Variants in ZNF33A observed in about 807,000 individuals in gnomAD.
ZNF33A encodes the protein brain my041 protein.
A neutral mutation model predicts 15.9 loss-of-function variants in ZNF33A; 9 were observed. The observed-to-expected ratio is 0.57, with a 90% CI of 0.34 to 0.99. ZNF33A has a LOEUF of 0.99. ZNF33A is among the 50% of genes least tolerant of loss of function. ZNF33A has a pLI of 0.02. For synonymous variants in ZNF33A, 294 were observed against 324.2 expected (o/e 0.91, Z 1.00); for missense variants, 843 against 941.6 (o/e 0.90, Z 1.37).
intron 4 of ZNF33A, among the ~76,000 whole-genome samples, chr10:38,044,876 C>A (rs2065884565): frequency 6.6e-6 from 1 of 151,976 alleles, no homozygotes; most frequent in Non-Finnish European, 1.5e-5. Flanking sequence ...CCATGTTGAC[C>A]AGGTTGATCT....
intron 4 of ZNF33A, among the ~76,000 whole-genome samples, chr10:38,039,847 T>C (rs2065617013): frequency 6.6e-6 from 1 of 151,846 alleles, no homozygotes; most frequent in Admixed American, 6.6e-5. Flanking sequence ...TCAGCTATTG[T>C]TTTTCTGTTC....
At chr10:38,066,130 A>T (rs2066707775), downstream of ZNF33A, among the ~76,000 whole-genome samples, 2 of 152,244 alleles carry the variant, frequency 1.3e-5, no homozygotes, top group South Asian at 4.1e-4. Flanking sequence ...GGATTATAGC[A>T]TTTGATATAA....
intron 2 of ZNF33A, among the ~76,000 whole-genome samples, chr10:38,014,892 C>CT (rs902443419): frequency 3.3e-4 from 50 of 151,244 alleles, no homozygotes; most frequent in African/African-American, 1.0e-3. Flanking sequence ...AATTACTTAC[C>CT]TTTTTTTTTG....
At chr10:38,016,065 C>CA in intron 2 of ZNF33A, 1 of 1,200,834 alleles carries the variant, frequency 8.3e-7, no homozygotes, top group Non-Finnish European at 1.0e-6. Flanking sequence ...ATAATGGTTC[C>CA]AAAATCTTTC....
At chr10:38,043,539 C>A (rs1023945122) in intron 4 of ZNF33A, among the ~76,000 whole-genome samples, 1 of 151,770 alleles carries the variant, frequency 6.6e-6, no homozygotes, top group African/African-American at 2.4e-5. Flanking sequence ...GACCCCAGGT[C>A]AAATTCTGTA....
intron 2 of ZNF33A, 50 bp from the exon 3 acceptor site, chr10:38,016,821 G>T: frequency 6.3e-7 from 1 of 1,590,050 alleles, no homozygotes; most frequent in Non-Finnish European, 8.6e-7. Flanking sequence ...ATCATGGTAA[G>T]GATTAGCCCA....
At chr10:38,051,107 T>C (rs548479346) in intron 4 of ZNF33A, among the ~76,000 whole-genome samples, 14 of 152,184 alleles carry the variant, frequency 9.2e-5, no homozygotes, top group Non-Finnish European at 1.6e-4. Context: ...ATACACTGCA[T>C]AAACAGGTGT....
At chr10:38,035,834 A>G (rs2065428068) in intron 4 of ZNF33A, among the ~76,000 whole-genome samples, 1 of 152,220 alleles carries the variant, frequency 6.6e-6, no homozygotes. Flanking sequence ...AAAAGAAAAG[A>G]AAAGAAGAAA....
chr10:38,019,087 A>G (rs892539848), intron 4 of ZNF33A, among the ~76,000 whole-genome samples: 11 of 151,860 alleles, frequency 7.2e-5, no homozygotes, highest in Non-Finnish European at 8.8e-5. Flanking sequence ...TGCACCAATT[A>G]ACTCGTCATT....
chr10:38,012,898 A>G (rs1022350709), intron 2 of ZNF33A, among the ~76,000 whole-genome samples: 4 of 152,208 alleles, frequency 2.6e-5, no homozygotes, highest in African/African-American at 7.2e-5. Context: ...CACTGGATAC[A>G]GACAGACTGA....
chr10:38,016,281 G>T (rs1238439938), intron 2 of ZNF33A, among the ~76,000 whole-genome samples: 1 of 152,112 alleles, frequency 6.6e-6, no homozygotes, highest in Non-Finnish European at 1.5e-5. Flanking sequence ...TCTTGAAAAT[G>T]GTAAATGATC....
intron 4 of ZNF33A, among the ~76,000 whole-genome samples, chr10:38,023,188 T>C (rs117595318): frequency 0.06 from 9,125 of 152,202 alleles, 352 homozygotes; most frequent in Middle Eastern, 0.095. Context: ...TCATGATCTG[T>C]CCACGTTGGT....
At chr10:38,038,452 G>T (rs936762582) in intron 4 of ZNF33A, among the ~76,000 whole-genome samples, 9 of 152,118 alleles carry the variant, frequency 5.9e-5, no homozygotes, top group African/African-American at 2.2e-4. Flanking sequence ...TAGTGAACTT[G>T]CACCCTGCAA....
At chr10:38,041,990 G>T (rs1429113940) in intron 4 of ZNF33A, among the ~76,000 whole-genome samples, 1 of 152,090 alleles carries the variant, frequency 6.6e-6, no homozygotes, top group African/African-American at 2.4e-5. Flanking sequence ...ACAGGCCCCA[G>T]TGTGTGTTGT....
intron 4 of ZNF33A, among the ~76,000 whole-genome samples, chr10:38,021,668 C>T (rs1480942572): frequency 6.6e-6 from 1 of 151,946 alleles, no homozygotes; most frequent in African/African-American, 2.4e-5. Context: ...TAGTGCCCAA[C>T]AACAGCAAAA....
chr10:38,060,278 C>A (rs370275738), downstream of ZNF33A, among the ~76,000 whole-genome samples: 7 of 152,236 alleles, frequency 4.6e-5, no homozygotes, highest in East Asian at 3.9e-4. Context: ...CATTTCCATC[C>A]CCACTCTGCT....
intron 4 of ZNF33A, among the ~76,000 whole-genome samples, chr10:38,032,094 G>C (rs1460888835): frequency 2.6e-5 from 4 of 152,078 alleles, no homozygotes; most frequent in Non-Finnish European, 5.9e-5. Flanking sequence ...GAATCTCATA[G>C]AGGATCTACT....
At chr10:38,030,337 T>A (rs2065160407) in intron 4 of ZNF33A, among the ~76,000 whole-genome samples, 2 of 152,174 alleles carry the variant, frequency 1.3e-5, no homozygotes, top group Admixed American at 1.3e-4. Flanking sequence ...ACCTGAATAA[T>A]CCAGATGTTC....
rs2066525511 is a variant in ZNF33A at position 38,057,281 on chromosome 10, A to G, written c.*721A>G. On this transcript the variant is annotated 3_prime_UTR_variant, in exon 5 of 5. Coordinates refer to ENST00000432900, the MANE Select transcript of ZNF33A (RefSeq NM_006954.2). The stretch of plus-strand genomic sequence containing the variant: ...TAGCCTCAAGTAGTTCCCTTTTTGT[A>G]TTAATAACCACACGCTTTCTGCAAC... The G allele has an allele frequency of 3.0e-6, 3 of 985,092 alleles. No individual in the cohort carries two copies. Among genetic ancestry groups the G allele is most frequent in the African/African-American group, 3.5e-5 (2 of 57,250 alleles). The allele number at this position is 985,092 out of a possible 1,614,324, so 61.0% of individuals were successfully genotyped here.
Sources: gnomAD v4.1 joint callset for allele counts (sites outside exome capture counted in the v4.1 genomes callset) on GRCh38, gnomAD v4.1.1 for gene constraint, MANE v1.5 for transcripts, NCBI Gene and HGNC (gene_info 2026-07-23, HGNC 2026-07-21) for gene names.